Variants in OR10J1 observed in about 807,000 individuals in gnomAD.
OR10J1 encodes olfactory receptor family 10 subfamily J member 1.
For synonymous variants in OR10J1, 202 were observed against 143.8 expected, an observed-to-expected ratio of 1.40 and a Z score of -2.89; for missense variants, 474 against 376.6, an observed-to-expected ratio of 1.26 and a Z score of -2.14.
chr1:159,398,677 G>T, the OR10J1 span, among the ~76,000 whole-genome samples: 1 of 152,084 alleles, frequency 6.6e-6, no homozygotes, highest in South Asian at 2.1e-4. Flanking sequence ...GAGAATTAGT[G>T]AGCTTGAAGA....
the OR10J1 span, among the ~76,000 whole-genome samples, chr1:159,412,652 G>C: frequency 6.6e-6 from 1 of 151,590 alleles, no homozygotes; most frequent in Non-Finnish European, 1.5e-5. Context: ...AGCTGAAACT[G>C]GATCCCTTCC....
chr1:159,404,017 A>G, the OR10J1 span, among the ~76,000 whole-genome samples: 500 of 152,302 alleles, frequency 3.3e-3, 3 homozygotes, highest in African/African-American at 0.011. Flanking sequence ...CAGGCACAGG[A>G]AGACAAACAT....
the OR10J1 span, among the ~76,000 whole-genome samples, chr1:159,418,405 T>C: frequency 6.6e-6 from 1 of 152,076 alleles, no homozygotes; most frequent in African/African-American, 2.4e-5. Context: ...CTAGCCATGG[T>C]TAAAAGGGAC....
At chr1:159,431,485 C>T in the OR10J1 span, among the ~76,000 whole-genome samples, 3 of 152,194 alleles carry the variant, frequency 2.0e-5, no homozygotes, top group African/African-American at 7.2e-5. Flanking sequence ...TGTCCCTTTG[C>T]ACTGGCCTTT....
At chr1:159,416,714 A>T in the OR10J1 span, among the ~76,000 whole-genome samples, 1 of 151,720 alleles carries the variant, frequency 6.6e-6, no homozygotes, top group Non-Finnish European at 1.5e-5. Flanking sequence ...CAATTCTGGG[A>T]TTTTCTTTGT....
upstream of OR10J1, among the ~76,000 whole-genome samples, chr1:159,437,585 T>C (rs1425331514): frequency 6.6e-6 from 1 of 152,230 alleles, no homozygotes; most frequent in South Asian, 2.1e-4. Flanking sequence ...CTTCCTCAAA[T>C]GTTATTTCAA....
chr1:159,426,312 A>G, the OR10J1 span, among the ~76,000 whole-genome samples: 1 of 151,898 alleles, frequency 6.6e-6, no homozygotes, highest in Non-Finnish European at 1.5e-5. Flanking sequence ...TAAAATGTAT[A>G]TTAAAATGAC....
chr1:159,422,717 T>C, the OR10J1 span, among the ~76,000 whole-genome samples: 16 of 152,330 alleles, frequency 1.1e-4, no homozygotes, highest in South Asian at 3.1e-3. Context: ...TCTAGAGCAG[T>C]GCCTTTGTGT....
At chr1:159,413,289 C>A in the OR10J1 span, among the ~76,000 whole-genome samples, 9 of 152,140 alleles carry the variant, frequency 5.9e-5, no homozygotes, top group East Asian at 5.8e-4. Flanking sequence ...GGCGATTCCT[C>A]AGGGATCTAG....
chr1:159,439,412 T>C (rs1225962849), upstream of OR10J1, among the ~76,000 whole-genome samples: 2 of 152,104 alleles, frequency 1.3e-5, no homozygotes, highest in East Asian at 3.9e-4. Context: ...CCTCTGAGTG[T>C]AATACGGTTT....
chr1:159,435,277 C>A (rs1157163805), upstream of OR10J1, among the ~76,000 whole-genome samples: 1 of 152,116 alleles, frequency 6.6e-6, no homozygotes, highest in Admixed American at 6.6e-5. Flanking sequence ...CATCTCACAA[C>A]ATCATTCTCT....
chr1:159,420,477 T>C, the OR10J1 span, among the ~76,000 whole-genome samples: 1 of 152,180 alleles, frequency 6.6e-6, no homozygotes, highest in Non-Finnish European at 1.5e-5. Context: ...TTCTCTTCCT[T>C]ATTTGTTTGC....
chr1:159,439,574 T>G (rs1364243682), upstream of OR10J1: 3 of 623,156 alleles, frequency 4.8e-6, no homozygotes, highest in Non-Finnish European at 8.4e-6. Flanking sequence ...TATATGATTC[T>G]ATGATGCATG....
rs375983493 is a variant in OR10J1, at chr1:159,440,127, C to T, written c.336C>T (p.Cys112=). The change falls in exon 1 of 1, where the codon TGC becomes TGT. Residue 112 remains cysteine, a synonymous_variant. Transcript: ENST00000423932. ...FFFVTFGITN[C]FLLTAMGYDR... is the part of the protein sequence containing the mutation. ...TTGTAACCTTTGGCATCACTAACTG[C>T]TTCCTGCTCACAGCAATGGGATATG... The T allele has an allele frequency of 6.2e-6, 10 of 1,614,162 alleles. No homozygotes were observed. In the African/African-American group the frequency reaches 9.3e-5, roughly 15 times the overall value.
chr1:159,426,529 A>G, the OR10J1 span, among the ~76,000 whole-genome samples: 5 of 151,938 alleles, frequency 3.3e-5, no homozygotes, highest in African/African-American at 1.2e-4. Context: ...AAAATGTACT[A>G]TGCAAAAACT....
chr1:159,423,801 C>T, the OR10J1 span, among the ~76,000 whole-genome samples: 1 of 152,196 alleles, frequency 6.6e-6, no homozygotes, highest in African/African-American at 2.4e-5. Context: ...CTTATAGATA[C>T]TGACGTCTGG....
chr1:159,406,317 G>A, the OR10J1 span: 1 of 501,846 alleles, frequency 2.0e-6, no homozygotes, highest in East Asian at 5.5e-5. Context: ...TGAAGCTGGA[G>A]AAACCTTCAA....
At chr1:159,439,712 A>G (rs769322723), upstream of OR10J1, 11 of 1,569,972 alleles carry the variant, frequency 7.0e-6, no homozygotes, top group Middle Eastern at 1.7e-4. Flanking sequence ...ACTTCAATCA[A>G]TTTCAGAAAT....
chr1:159,404,791 T>A, the OR10J1 span, among the ~76,000 whole-genome samples: 1 of 152,292 alleles, frequency 6.6e-6, no homozygotes, highest in East Asian at 1.9e-4. Flanking sequence ...AAATTCTATC[T>A]ATATGTGCTT....
Sources: gnomAD v4.1 joint callset for allele counts (sites outside exome capture counted in the v4.1 genomes callset) on GRCh38, gnomAD v4.1.1 for gene constraint, MANE v1.5 for transcripts, NCBI Gene and HGNC (gene_info 2026-07-23, HGNC 2026-07-21) for gene names.